The following FGD4 variants were observed in gnomAD, a reference collection of about 807,000 sequenced individuals.
FGD4 encodes FYVE, RhoGEF and PH domain-containing protein 4.
A neutral mutation model predicts 102.0 loss-of-function variants in FGD4; 42 were observed. The observed-to-expected ratio is 0.41, with a 90% confidence interval of 0.32 to 0.53. FGD4 has a LOEUF of 0.53. FGD4 is among the 20% of genes least tolerant of loss of function. The probability of loss-of-function intolerance (pLI) is 0.21; values close to 1 mark genes in which losing one functional copy is unlikely to be tolerated. For missense variants in FGD4, 902 were observed against 1,078.2 expected (o/e 0.84, Z 2.29); for synonymous variants, 380 against 375.7 (o/e 1.01, Z -0.13).
intron 1 of FGD4, among the ~76,000 whole-genome samples, chr12:32,546,556 G>A (rs761529276): frequency 2.6e-5 from 4 of 152,256 alleles, no homozygotes; most frequent in Non-Finnish European, 4.4e-5. Flanking sequence ...AAGGTGAAAT[G>A]AGGTGTGCTG....
At chr12:32,450,446 AT>A (rs757469923) in intron 1 of FGD4, among the ~76,000 whole-genome samples, 6 of 152,104 alleles carry the variant, frequency 3.9e-5, no homozygotes, top group Non-Finnish European at 7.3e-5. Context: ...ATAAATTATA[AT>A]CTTTTACTTC....
chr12:32,598,499 G>A lies in FGD4; in HGVS notation c.1014G>A (p.Glu338=), dbSNP rs1414922777. 1 of 1,610,372 alleles carries A rather than the reference G, an allele frequency of 6.2e-7. No homozygotes were observed. Among genetic ancestry groups the A allele is most frequent in the Non-Finnish European group, 8.5e-7 (1 of 1,177,822 alleles). Residue 338 remains glutamate (E), a splice_region_variant and synonymous_variant, in exon 5 of 17, where the codon GAG becomes GAA. Coordinates refer to ENST00000534526, the MANE Select transcript of FGD4 (RefSeq NM_001370298.3). ...GTGAATATCTTTCCAATTTTTAGGA[G>A]ACTAATGAGCAAAAACTTCACAAAA... ...EQLDQHHEMK[E]TNEQKLHKIA...
intron 2 of FGD4, among the ~76,000 whole-genome samples, chr12:32,571,314 G>T (rs1945642470): frequency 6.6e-6 from 1 of 152,058 alleles, no homozygotes; most frequent in Admixed American, 6.5e-5. Flanking sequence ...ACTTAACTGG[G>T]TGTGGTGGCA....
In FGD4 at chr12:32,529,873, C is replaced by T. The variant is rs559079682; in HGVS notation, c.167-34264C>T. On this transcript the variant is annotated intron_variant, in intron 1 of 16. Coordinates refer to ENST00000534526, the MANE Select transcript of FGD4 (RefSeq NM_001370298.3). ...AAAAAAAAATTTAAAAAAAAAAAAGCTGACATTGCCAATAGTATGTTAGGT... is the reference window on the plus strand; with the variant it reads ...AAAAAAAAATTTAAAAAAAAAAAAGTTGACATTGCCAATAGTATGTTAGGT... 3.4e-5 allele frequency among the ~76,000 whole-genome samples: 5 copies of T among 146,864 alleles called. No individual in the cohort carries two copies. In the East Asian group the frequency reaches 7.8e-4, roughly 23 times the overall value.
intron 1 of FGD4, among the ~76,000 whole-genome samples, chr12:32,451,923 A>T (rs1464248683): frequency 1.3e-5 from 2 of 149,828 alleles, no homozygotes; most frequent in Non-Finnish European, 3.0e-5. Flanking sequence ...AGAGTTTCCT[A>T]CCTGCCCGAG....
chr12:32,638,579 A>G (rs1592508835), intron 15 of FGD4, 76 bp from the exon 16 acceptor site: 1 of 1,572,792 alleles, frequency 6.4e-7, no homozygotes, highest in Non-Finnish European at 8.7e-7. Flanking sequence ...TTTTGTATAA[A>G]CACATTGTAC....
chr12:32,409,891 C>T (rs548395086), intron 1 of FGD4, among the ~76,000 whole-genome samples: 10 of 151,752 alleles, frequency 6.6e-5, no homozygotes, highest in African/African-American at 1.9e-4. Context: ...TTGGTCCAGT[C>T]GCAGTAGCTC....
At position 32,529,232 on chromosome 12, in the gene FGD4, A is replaced by G. The variant is rs963073243; in HGVS notation, c.167-34905A>G. Reference sequence around the variant, plus strand: ...CAGATTCAAGCTATCCTCCTGCCTCAGCCTCCCAAGTAGCTGGTACTACAG... The same window carrying G: ...CAGATTCAAGCTATCCTCCTGCCTCGGCCTCCCAAGTAGCTGGTACTACAG... On this transcript the variant is annotated intron_variant, in intron 1 of 16. Coordinates refer to ENST00000534526, the MANE Select transcript of FGD4 (RefSeq NM_001370298.3). Among the ~76,000 whole-genome samples the G allele has an allele frequency of 8.5e-5, 13 of 152,200 alleles. No homozygotes were observed. In the East Asian group the frequency reaches 2.5e-3, roughly 30 times the overall value.
intron 1 of FGD4, among the ~76,000 whole-genome samples, chr12:32,454,400 GTCTT>G (rs1489106734): frequency 6.6e-6 from 1 of 152,148 alleles, no homozygotes; most frequent in Non-Finnish European, 1.5e-5. Flanking sequence ...AAGAGAAGTG[GTCTT>G]TCTTCTGTCA....
intron 1 of FGD4, among the ~76,000 whole-genome samples, chr12:32,491,589 C>T (rs1169711725): frequency 6.6e-6 from 1 of 152,044 alleles, no homozygotes; most frequent in Non-Finnish European, 1.5e-5. Context: ...ATGTATATTC[C>T]TGCTGATATG....
At chr12:32,523,390 T>C (rs2136756082) in intron 1 of FGD4, among the ~76,000 whole-genome samples, 1 of 152,346 alleles carries the variant, frequency 6.6e-6, no homozygotes, top group Middle Eastern at 3.4e-3. Flanking sequence ...CCACCATCCA[T>C]CTTTAGAATT....
rs11830912 is a variant in FGD4, at chr12:32,550,683, A to G, written c.167-13454A>G. 5.1e-3 allele frequency among the ~76,000 whole-genome samples: 756 copies of G among 146,892 alleles called. 5 individuals are homozygous for G. The highest frequency in any genetic ancestry group is 0.017 in the African/African-American group (694 of 40,650). ...AAGACACTGTCTCAAAAAAAAAAAA[A>G]AAAAAAAAGAAAGAGACAAAAAGTT... On this transcript the variant is annotated intron_variant, in intron 1 of 16. Transcript: ENST00000534526.
At chr12:32,487,495 G>A (rs1943946070) in intron 1 of FGD4, among the ~76,000 whole-genome samples, 2 of 152,152 alleles carry the variant, frequency 1.3e-5, no homozygotes, top group Admixed American at 6.5e-5. Context: ...GTATAGTGGT[G>A]TGATCTCGGC....
chr12:32,455,564 A>AAAAACTAG (rs1402079237), intron 1 of FGD4, among the ~76,000 whole-genome samples: 1 of 152,186 alleles, frequency 6.6e-6, no homozygotes, highest in African/African-American at 2.4e-5. Context: ...GTATTTACCC[A>AAAAACTAG]AAAACTAGAA....
At chr12:32,640,171 A>C in intron 16 of FGD4, 105 bp from the exon 17 acceptor site, 1 of 1,569,526 alleles carries the variant, frequency 6.4e-7, no homozygotes, top group Non-Finnish European at 8.7e-7. Context: ...TCACCGTTTA[A>C]GTCTGTTTGG....
intron 5 of FGD4, among the ~76,000 whole-genome samples, chr12:32,600,013 T>G (rs993619645): frequency 6.6e-6 from 1 of 152,228 alleles, no homozygotes; most frequent in Non-Finnish European, 1.5e-5. Flanking sequence ...CAGGCAATCC[T>G]GTGCATACCT....
intron 1 of FGD4, among the ~76,000 whole-genome samples, chr12:32,411,256 G>T (rs1030949525): frequency 6.6e-6 from 1 of 151,904 alleles, no homozygotes; most frequent in Non-Finnish European, 1.5e-5. Flanking sequence ...AAACATGTGG[G>T]TGGGACGCGG....
intron 14 of FGD4, among the ~76,000 whole-genome samples, chr12:32,626,444 CAG>C (rs747597433): frequency 3.0e-3 from 218 of 72,876 alleles, no homozygotes; most frequent in African/African-American, 0.013. Flanking sequence ...AACTCCATCT[CAG>C]AAAAAAAAAA....
In FGD4 at chr12:32,399,642, G is replaced by A; in HGVS notation, c.-152G>A. 7.1e-7 allele frequency: 1 copy of A among 1,411,252 alleles called. No individual in the cohort carries two copies. 87.4% of individuals were successfully genotyped at this position (1,411,252 alleles called of 1,614,324 possible). ...CCGGGAGGGAGCGTACCGGGAAGGA[G>A]AGGGAGAGGAGGCACTCGCTGAGGA... On this transcript the variant is annotated 5_prime_UTR_variant, in exon 1 of 17. Coordinates refer to ENST00000534526, the MANE Select transcript of FGD4 (RefSeq NM_001370298.3).
Sources: allele counts gnomAD v4.1 joint callset (sites outside exome capture counted in the v4.1 genomes callset), GRCh38; gene constraint gnomAD v4.1.1; transcripts MANE v1.5; gene names NCBI Gene and HGNC (gene_info 2026-07-23, HGNC 2026-07-21).